The following PTPRM variants were observed in gnomAD, a reference collection of about 807,000 sequenced individuals.
PTPRM encodes receptor-type tyrosine-protein phosphatase mu.
PTPRM carries 47 observed loss-of-function variants against 186.7 expected under a neutral mutation model. The ratio of observed to expected loss-of-function variants is 0.25; its 90% CI spans 0.20 to 0.32. The LOEUF is 0.32. PTPRM is among the 10% of genes least tolerant of loss of function. The pLI is 1.00. For synonymous variants in PTPRM, 668 were observed against 674.9 expected (o/e 0.99, Z 0.16); for missense variants, 1,494 against 1,865.0 (o/e 0.80, Z 3.66).
At chr18:8,124,053 G>A (rs80191858) in intron 13 of PTPRM, among the ~76,000 whole-genome samples, 2,100 of 152,202 alleles carry the variant, frequency 0.014, 54 homozygotes, top group African/African-American at 0.048. Flanking sequence ...AGCAGCCCCC[G>A]TCGTAAGGCA....
At chr18:7,753,219 G>T (rs1181191322) in intron 1 of PTPRM, among the ~76,000 whole-genome samples, 1 of 152,034 alleles carries the variant, frequency 6.6e-6, no homozygotes, top group Non-Finnish European at 1.5e-5. Context: ...AATTGAGGTG[G>T]ATATGGGTTT....
At chr18:7,738,736 C>T (rs1056000437) in intron 1 of PTPRM, among the ~76,000 whole-genome samples, 13 of 152,184 alleles carry the variant, frequency 8.5e-5, no homozygotes, top group Middle Eastern at 3.4e-3. Flanking sequence ...CCACTGCGCC[C>T]GGCCAGTTCG....
intron 2 of PTPRM, among the ~76,000 whole-genome samples, chr18:7,813,598 G>A (rs886710070): frequency 2.2e-4 from 34 of 152,132 alleles, no homozygotes; most frequent in East Asian, 3.9e-4. Flanking sequence ...GAGGATATGT[G>A]CCTTCAACTC....
chr18:7,710,026 A>G (rs1456718087), intron 1 of PTPRM, among the ~76,000 whole-genome samples: 1 of 152,190 alleles, frequency 6.6e-6, no homozygotes, highest in Non-Finnish European at 1.5e-5. Context: ...TAAAGAGGGA[A>G]TCCTCCCTAA....
chr18:8,096,351 C>T (rs979009444), intron 11 of PTPRM, among the ~76,000 whole-genome samples: 10 of 152,202 alleles, frequency 6.6e-5, no homozygotes, highest in African/African-American at 1.4e-4. Context: ...TGAAAGCTCT[C>T]GAATGTCCTT....
At chr18:8,404,438 T>A (rs1041160578) in intron 32 of PTPRM, 3 of 152,220 alleles carry the variant, frequency 2.0e-5, no homozygotes, top group Non-Finnish European at 4.4e-5. Flanking sequence ...CATGTGTACA[T>A]GTAGCCGACT....
At chr18:7,904,528 C>T (rs772246437) in intron 3 of PTPRM, among the ~76,000 whole-genome samples, 5 of 152,160 alleles carry the variant, frequency 3.3e-5, no homozygotes, top group Non-Finnish European at 5.9e-5. Context: ...ACATGATCTT[C>T]GGGGAGTGGT....
chr18:8,367,444 C>T (rs540160537), intron 23 of PTPRM, among the ~76,000 whole-genome samples: 1 of 152,256 alleles, frequency 6.6e-6, no homozygotes, highest in South Asian at 2.1e-4. Context: ...AGCACCGTGC[C>T]GAGCAGTTGA....
intron 4 of PTPRM, among the ~76,000 whole-genome samples, chr18:7,912,610 C>T (rs892271969): frequency 7.2e-5 from 11 of 152,040 alleles, no homozygotes; most frequent in Non-Finnish European, 1.5e-4. Flanking sequence ...CTACCGGGTT[C>T]ATGCCATTCT....
chr18:7,965,699 G>C (rs73381899), intron 7 of PTPRM, among the ~76,000 whole-genome samples: 236 of 152,100 alleles, frequency 1.6e-3, no homozygotes, highest in African/African-American at 5.3e-3. Context: ...GGTATGTTAT[G>C]TGTTATGTCT....
At chr18:8,240,038 A>G (rs370524804) in intron 14 of PTPRM, among the ~76,000 whole-genome samples, 158 of 152,340 alleles carry the variant, frequency 1.0e-3, no homozygotes, top group Non-Finnish European at 2.0e-3. Context: ...TTCCTACACA[A>G]AAGACTTTGT....
chr18:7,838,419 A>G (rs1276494843), intron 2 of PTPRM, among the ~76,000 whole-genome samples: 1 of 152,212 alleles, frequency 6.6e-6, no homozygotes, highest in Non-Finnish European at 1.5e-5. Flanking sequence ...GATATCATAG[A>G]GGTACCACTT....
At chr18:7,684,865 C>G (rs1249852017) in intron 1 of PTPRM, among the ~76,000 whole-genome samples, 1 of 152,076 alleles carries the variant, frequency 6.6e-6, no homozygotes, top group East Asian at 1.9e-4. Flanking sequence ...GTAAATACAC[C>G]TAAGTGGGAT....
intron 14 of PTPRM, among the ~76,000 whole-genome samples, chr18:8,240,777 G>GGA (rs747648655): frequency 3.1e-4 from 18 of 57,354 alleles, no homozygotes; most frequent in Admixed American, 9.3e-4. Flanking sequence ...AGAGAGAGAG[G>GGA]GAGAGAGAGA....
At chr18:7,768,451 C>A (rs1202225762) in intron 1 of PTPRM, among the ~76,000 whole-genome samples, 5 of 152,082 alleles carry the variant, frequency 3.3e-5, no homozygotes, top group South Asian at 4.1e-4. Flanking sequence ...TAGGACTGTG[C>A]CACTGCACTC....
intron 14 of PTPRM, among the ~76,000 whole-genome samples, chr18:8,229,058 G>A (rs942412115): frequency 3.3e-5 from 5 of 151,976 alleles, no homozygotes; most frequent in Admixed American, 2.0e-4. Context: ...GTCAGTGTCC[G>A]TCTGTCTGTC....
chr18:8,119,202 T>G (rs1049784625), intron 13 of PTPRM, among the ~76,000 whole-genome samples: 2 of 152,200 alleles, frequency 1.3e-5, no homozygotes, highest in Non-Finnish European at 2.9e-5. Flanking sequence ...TTGAGGAAAC[T>G]TTGAAGGATT....
intron 13 of PTPRM, among the ~76,000 whole-genome samples, chr18:8,118,208 A>T (rs1361510076): frequency 6.6e-6 from 1 of 152,216 alleles, no homozygotes; most frequent in Non-Finnish European, 1.5e-5. Flanking sequence ...CCATAAAATA[A>T]GATTTTTTCA....
chr18:7,845,852 AG>A (rs1354784751), intron 2 of PTPRM, among the ~76,000 whole-genome samples: 4 of 152,092 alleles, frequency 2.6e-5, no homozygotes, highest in Non-Finnish European at 5.9e-5. Flanking sequence ...ATGACTCTTA[AG>A]GGTTGCTCTT....
Sources: allele counts gnomAD v4.1 joint callset (sites outside exome capture counted in the v4.1 genomes callset), GRCh38; gene constraint gnomAD v4.1.1; transcripts MANE v1.5; gene names NCBI Gene and HGNC (gene_info 2026-07-23, HGNC 2026-07-21).